The following ENTREP2 variants were observed in gnomAD, a reference collection of about 807,000 sequenced individuals.
ENTREP2 encodes protein ENTREP2.
At chr15:29,202,572 A>G in the ENTREP2 span, among the ~76,000 whole-genome samples, 2 of 152,072 alleles carry the variant, frequency 1.3e-5, no homozygotes, top group Admixed American at 6.6e-5. Context: ...GCACCCGTCA[A>G]CCCATCATCT....
chr15:29,160,141 T>G, the ENTREP2 span, among the ~76,000 whole-genome samples: 1 of 152,138 alleles, frequency 6.6e-6, no homozygotes, highest in Non-Finnish European at 1.5e-5. Context: ...CCCTCACTGC[T>G]CCAGCAGGCA....
the ENTREP2 span, among the ~76,000 whole-genome samples, chr15:29,195,632 C>T: frequency 2.2e-4 from 34 of 152,274 alleles, no homozygotes; most frequent in East Asian, 6.0e-3. Flanking sequence ...TCCAATGATT[C>T]TCCTGCCTCA....
the ENTREP2 span, among the ~76,000 whole-genome samples, chr15:29,474,105 C>T: frequency 3.3e-5 from 5 of 152,298 alleles, no homozygotes; most frequent in South Asian, 2.1e-4. Context: ...GGGCTTGCGA[C>T]GGTTACTAGG....
the ENTREP2 span, among the ~76,000 whole-genome samples, chr15:29,187,258 TTTTC>T: frequency 4.1e-4 from 63 of 152,136 alleles, no homozygotes; most frequent in Admixed American, 1.6e-3. Flanking sequence ...CACTGTCTGT[TTTTC>T]TTTCTTTCTT....
the ENTREP2 span, among the ~76,000 whole-genome samples, chr15:29,144,073 C>G: frequency 6.6e-6 from 1 of 152,102 alleles, no homozygotes; most frequent in African/African-American, 2.4e-5. Flanking sequence ...GTGACGCACT[C>G]CAAAGAAATG....
At chr15:29,318,452 C>G in the ENTREP2 span, among the ~76,000 whole-genome samples, 1 of 152,140 alleles carries the variant, frequency 6.6e-6, no homozygotes, top group African/African-American at 2.4e-5. Flanking sequence ...TCCCGAGTAG[C>G]TGGGACTACA....
At chr15:29,220,042 T>C in the ENTREP2 span, among the ~76,000 whole-genome samples, 3 of 152,012 alleles carry the variant, frequency 2.0e-5, no homozygotes, top group South Asian at 2.1e-4. Flanking sequence ...AAAAAGAAAA[T>C]TGGAAATTAA....
the ENTREP2 span, among the ~76,000 whole-genome samples, chr15:29,556,736 T>C: frequency 2.0e-5 from 3 of 148,186 alleles, no homozygotes; most frequent in Admixed American, 1.4e-4. Flanking sequence ...AAGTTCTCTC[T>C]CCCCTGGCTT....
At chr15:29,282,098 C>T in the ENTREP2 span, among the ~76,000 whole-genome samples, 1,198 of 152,302 alleles carry the variant, frequency 7.9e-3, 14 homozygotes, top group African/African-American at 0.027. Context: ...TCATGGACAT[C>T]ATGTGATATG....
chr15:29,633,255 A>G, the ENTREP2 span, among the ~76,000 whole-genome samples: 3 of 152,182 alleles, frequency 2.0e-5, no homozygotes, highest in Non-Finnish European at 4.4e-5. Flanking sequence ...TGAATTGCCC[A>G]AAAGGCTGAA....
At chr15:29,595,868 C>A in the ENTREP2 span, among the ~76,000 whole-genome samples, 1 of 151,982 alleles carries the variant, frequency 6.6e-6, no homozygotes, top group African/African-American at 2.4e-5. Context: ...TTCAGTTGGC[C>A]TATGTGTCCC....
chr15:29,158,446 C>A, the ENTREP2 span, among the ~76,000 whole-genome samples: 13 of 148,146 alleles, frequency 8.8e-5, no homozygotes, highest in African/African-American at 3.4e-4. Context: ...CACTCTTTCG[C>A]CCAGGCTGGA....
At chr15:29,579,505 G>A in the ENTREP2 span, among the ~76,000 whole-genome samples, 1 of 147,610 alleles carries the variant, frequency 6.8e-6, no homozygotes, top group Admixed American at 7.0e-5. Context: ...CAAAATACTG[G>A]CCTTTGGTTT....
the ENTREP2 span, among the ~76,000 whole-genome samples, chr15:29,479,684 T>TACACAC: frequency 6.8e-6 from 1 of 148,122 alleles, no homozygotes; most frequent in African/African-American, 2.5e-5. Flanking sequence ...CACACATACA[T>TACACAC]ACACACACAC....
the ENTREP2 span, among the ~76,000 whole-genome samples, chr15:29,517,963 G>A: frequency 1.2e-4 from 18 of 152,188 alleles, no homozygotes; most frequent in Middle Eastern, 3.2e-3. Flanking sequence ...ACTGCTGGGT[G>A]CGGTGGTTCA....
the ENTREP2 span, among the ~76,000 whole-genome samples, chr15:29,411,829 A>G: frequency 6.6e-6 from 1 of 152,220 alleles, no homozygotes; most frequent in African/African-American, 2.4e-5. Flanking sequence ...TCTTGCATGG[A>G]TAGCCAATGA....
the ENTREP2 span, among the ~76,000 whole-genome samples, chr15:29,657,478 G>C: frequency 9.0e-6 from 1 of 110,738 alleles, no homozygotes; most frequent in African/African-American, 3.7e-5. Flanking sequence ...TGTCGGCTGG[G>C]GGGGCGGGGG....
the ENTREP2 span, among the ~76,000 whole-genome samples, chr15:29,598,932 G>A: frequency 6.6e-6 from 1 of 152,158 alleles, no homozygotes; most frequent in East Asian, 1.9e-4. Context: ...TCCTGACCTC[G>A]TGATCCGCCC....
the ENTREP2 span, chr15:29,151,677 G>C: frequency 2.9e-6 from 4 of 1,357,400 alleles, no homozygotes; most frequent in African/African-American, 5.8e-5. Context: ...AGCCAGAAGC[G>C]TCCACTCCTA....
Sources: allele counts gnomAD v4.1 joint callset (sites outside exome capture counted in the v4.1 genomes callset), GRCh38; gene constraint gnomAD v4.1.1; transcripts MANE v1.5; gene names NCBI Gene and HGNC (gene_info 2026-07-23, HGNC 2026-07-21).